FSIP2: variants seen among roughly 807,000 people sequenced by gnomAD.
FSIP2 encodes the protein fibrous sheath interacting protein 2, also known as fibrous sheath-interacting protein 2.
In FSIP2, 367 loss-of-function variants were observed where a neutral mutation model predicts 510.5. The ratio of observed to expected loss-of-function variants is 0.72; its 90% CI spans 0.66 to 0.78. The LOEUF (loss-of-function observed/expected upper bound fraction) is 0.78. Ranked by LOEUF, FSIP2 falls within the 30% of genes least tolerant of loss-of-function variation. FSIP2 has a pLI of 0.00. For synonymous variants in FSIP2, 2,601 were observed against 2,732.2 expected (o/e 0.95, Z 1.50); for missense variants, 7,594 against 7,901.7 (o/e 0.96, Z 1.48).
Position 185,801,348 on chromosome 2 carries a change from A to G in FSIP2, c.12042A>G (p.Val4014=), listed in dbSNP as rs1371809469. The G allele has an allele frequency of 3.9e-6, 6 of 1,534,108 alleles. No homozygotes were observed. Among genetic ancestry groups the G allele is most frequent in the Middle Eastern group, 1.7e-4 (1 of 5,976 alleles). ...TGAATACATTATTTGTCAACAATGT[A>G]GTGAATGAATTTAATAATGCTCAAG... ...NEMNTLFVNN[V]VNEFNNAQVT... The change falls in exon 17 of 23, where the codon GTA becomes GTG. Residue 4014 remains valine, a synonymous_variant. Coordinates refer to ENST00000424728, the MANE Select transcript of FSIP2 (RefSeq NM_173651.4).
chr2:185,814,110 G>A (rs2105667842), intron 18 of FSIP2, 68 bp downstream of exon 18: 1 of 1,432,582 alleles, frequency 7.0e-7, no homozygotes, highest in East Asian at 2.3e-5. Flanking sequence ...GCCCAAGAAT[G>A]TACCTTGATT....
At position 185,797,303 on chromosome 2, in the gene FSIP2, C is replaced by A. The variant is rs554791067; in HGVS notation, c.10167C>A (p.Ile3389=). 19 of 1,531,726 alleles carry A rather than the reference C, an allele frequency of 1.2e-5. No individual in the cohort carries two copies. In the Admixed American group the frequency reaches 1.8e-4, roughly 14 times the overall value. The allele number at this position is 1,531,726 out of a possible 1,614,324, so 94.9% of individuals were successfully genotyped here. The change falls in exon 16 of 23, where the codon ATC becomes ATA. Residue 3389 remains isoleucine, a synonymous_variant. Transcript: ENST00000424728. ...TGCTTAGAATGCAGGATAAAAAAAT[C>A]AACTATATACCTGAGGAAGAAAATG... ...KSLLRMQDKK[I]NYIPEEENEN... is the part of the protein sequence containing the mutation.
Position 185,808,682 on chromosome 2 carries a change from T to C in FSIP2, c.19376T>C (p.Ile6459Thr), listed in dbSNP as rs553051775. 1.2e-6 allele frequency: 2 copies of C among 1,609,758 alleles called. No homozygotes were observed. The highest frequency in any genetic ancestry group is 1.1e-5 in the South Asian group (1 of 90,294). The change falls in exon 17 of 23, where the codon ATT (isoleucine) becomes ACT (threonine). Residue 6459 changes from isoleucine to threonine, a missense_variant. Physicochemically the swap from Ile to Thr is moderately conservative, Grantham distance 89. Coordinates refer to ENST00000424728, the MANE Select transcript of FSIP2 (RefSeq NM_173651.4). ...AFPKKVASLIIDGVSSFPLDT... is the reference protein window; with the variant it reads ...AFPKKVASLITDGVSSFPLDT... ...CCTAAAAAAGTGGCTAGTTTAATTA[T>C]TGATGGAGTTTCAAGTTTTCCATTA...
In FSIP2 at chr2:185,796,833, C is replaced by A. The variant is rs965235202; in HGVS notation, c.9697C>A (p.Pro3233Thr). The A allele has an allele frequency of 6.5e-7, 1 of 1,535,096 alleles. No homozygotes were observed. Among genetic ancestry groups the A allele is most frequent in the African/African-American group, 1.4e-5 (1 of 73,014 alleles). ...GAAAAGGCCTGATTCAGAAACTATG[C>A]CATCGTGTTCTACTAGAAACAAAGT... ...PTKRPDSETM[P>T]SCSTRNKVQD... Residue 3233 changes from proline to threonine, a missense_variant, in exon 16 of 23, where the codon CCA becomes ACA. Coordinates refer to ENST00000424728, the MANE Select transcript of FSIP2 (RefSeq NM_173651.4).
intron 22 of FSIP2, among the ~76,000 whole-genome samples, chr2:185,832,569 T>C (rs190076234): frequency 1.3e-5 from 2 of 151,764 alleles, no homozygotes; most frequent in East Asian, 3.9e-4. Flanking sequence ...TTTCTTTATA[T>C]ATAAAATTAT....
intron 9 of FSIP2, among the ~76,000 whole-genome samples, chr2:185,757,479 G>T (rs1277475843): frequency 6.6e-6 from 1 of 151,332 alleles, no homozygotes; most frequent in Non-Finnish European, 1.5e-5. Flanking sequence ...TCAGTGAAGG[G>T]TATGTGAGTC....
In FSIP2 at chr2:185,800,774, T is replaced by G. The variant is rs201933193; in HGVS notation, c.11468T>G (p.Leu3823Trp). The G allele has an allele frequency of 6.5e-7, 1 of 1,534,212 alleles. No individual in the cohort carries two copies. Among genetic ancestry groups the G allele is most frequent in the Non-Finnish European group, 8.7e-7 (1 of 1,145,584 alleles). Reference protein sequence around the residue: ...CLQVDYMSDLLENVAEIDQDL... With the variant: ...CLQVDYMSDLWENVAEIDQDL... ...CAAGTAGATTACATGTCAGACCTTTTGGAGAATGTGGCAGAAATTGATCAA... is the reference window on the plus strand; with the variant it reads ...CAAGTAGATTACATGTCAGACCTTTGGGAGAATGTGGCAGAAATTGATCAA... The change falls in exon 17 of 23, where the codon TTG (leucine) becomes TGG (tryptophan). Residue 3823 changes from leucine to tryptophan, a missense_variant. Leu to Trp is a moderately conservative substitution (Grantham distance 61, BLOSUM62 -2). Coordinates refer to ENST00000424728, the MANE Select transcript of FSIP2 (RefSeq NM_173651.4).
Position 185,803,778 on chromosome 2 carries a change from T to C in FSIP2, c.14472T>C (p.Asn4824=). The C allele has an allele frequency of 6.5e-7, 1 of 1,527,856 alleles. No homozygotes were observed. The highest frequency in any genetic ancestry group is 8.8e-7 in the Non-Finnish European group (1 of 1,142,092). The allele number at this position is 1,527,856 out of a possible 1,614,324, so 94.6% of individuals were successfully genotyped here. A position where few individuals can be genotyped will look rare whatever the true frequency, so the allele number is the denominator to read the frequency against. Residue 4824 remains asparagine (N), a synonymous_variant, in exon 17 of 23, where the codon AAT becomes AAC. Coordinates refer to ENST00000424728, the MANE Select transcript of FSIP2 (RefSeq NM_173651.4). ...ATACTACTAAATCAGACTTAAGTAA[T>C]ACAGTGATAAAACTGATAAATGAAA... is the stretch of plus-strand genomic sequence containing the variant. ...QSDTTKSDLS[N]TVIKLINEIM...
intron 9 of FSIP2, among the ~76,000 whole-genome samples, chr2:185,758,291 T>C (rs1333159969): frequency 6.6e-6 from 1 of 151,104 alleles, no homozygotes; most frequent in East Asian, 1.9e-4. Context: ...AGAAGTACAG[T>C]TGATGTTTGA....
At position 185,795,034 on chromosome 2, in the gene FSIP2, T is replaced by A. The variant is rs1344555650; in HGVS notation, c.7898T>A (p.Ile2633Asn). 2 of 1,534,534 alleles carry A rather than the reference T, an allele frequency of 1.3e-6. No homozygotes were observed. Among genetic ancestry groups the A allele is most frequent in the East Asian group, 2.4e-5 (1 of 40,850 alleles). Residue 2633 changes from isoleucine to asparagine, a missense_variant, in exon 16 of 23, where the codon ATT becomes AAT. Ile to Asn is a moderately radical substitution (Grantham distance 149). Transcript: ENST00000424728. ...CCATTGCAAGTGAAGAAAGACTTAA[T>A]TCAAATGGTTCTCAATAAGATCACA... ...YLPLQVKKDLIQMVLNKITNF... is the reference protein window; with the variant it reads ...YLPLQVKKDLNQMVLNKITNF...
In FSIP2 at chr2:185,791,255, A is replaced by T; in HGVS notation, c.4119A>T (p.Gln1373His). Residue 1373 changes from glutamine (Q) to histidine (H), a missense_variant, in exon 16 of 23, where the codon CAA (glutamine) becomes CAT (histidine). Transcript: ENST00000424728. ...DMLLSSENAH[Q>H]RSISLSSRKP... ...TGTTATCAAGTGAAAATGCACATCA[A>T]AGAAGCATTTCACTCTCTTCTCGTA... The T allele has an allele frequency of 8.5e-6, 13 of 1,534,046 alleles. No individual in the cohort carries two copies. The highest frequency in any genetic ancestry group is 1.1e-5 in the Non-Finnish European group (13 of 1,145,476).
rs758923269 is a variant in FSIP2 at position 185,792,331 on chromosome 2, A to G, written c.5195A>G (p.Tyr1732Cys). 1.3e-6 allele frequency: 2 copies of G among 1,529,956 alleles called. No individual in the cohort carries two copies. Among genetic ancestry groups the G allele is most frequent in the Non-Finnish European group, 1.7e-6 (2 of 1,144,288 alleles). 94.8% of individuals were successfully genotyped at this position (1,529,956 alleles called of 1,614,324 possible). A position where few individuals can be genotyped will look rare whatever the true frequency, so the allele number is the denominator to read the frequency against. Residue 1732 changes from tyrosine (Y) to cysteine (C), a missense_variant, in exon 16 of 23, where the codon TAT becomes TGT. Coordinates refer to ENST00000424728, the MANE Select transcript of FSIP2 (RefSeq NM_173651.4). ...ESDSFLEDDA[Y>C]TAKKIIDERS... The stretch of plus-strand genomic sequence containing the variant: ...GATTCATTTCTAGAAGATGATGCAT[A>G]TACAGCGAAAAAAATTATTGATGAG...
chr2:185,816,713 G>T (rs898775286), intron 19 of FSIP2, among the ~76,000 whole-genome samples: 1 of 151,626 alleles, frequency 6.6e-6, no homozygotes, highest in African/African-American at 2.4e-5. Context: ...TAAAAAATTA[G>T]CTGGAATGGT....
In FSIP2 at chr2:185,808,100, G is replaced by T. The variant is rs1004367063; in HGVS notation, c.18794G>T (p.Gly6265Val). ...SIYTSVLKHS[G>V]SYTSVFKDLM... ...TATACCAGTGTTTTAAAGCACTCTGGCTCTTATACTTCTGTATTTAAAGAT... is the reference window on the plus strand; with the variant it reads ...TATACCAGTGTTTTAAAGCACTCTGTCTCTTATACTTCTGTATTTAAAGAT... Residue 6265 changes from glycine (G) to valine (V), a missense_variant, in exon 17 of 23, where the codon GGC becomes GTC. Transcript: ENST00000424728. 1 of 1,605,904 alleles carries T rather than the reference G, an allele frequency of 6.2e-7. No homozygotes were observed. Among genetic ancestry groups the T allele is most frequent in the African/African-American group, 1.3e-5 (1 of 74,324 alleles).
In FSIP2 at chr2:185,801,270, T is replaced by C; in HGVS notation, c.11964T>C (p.Ser3988=). The C allele has an allele frequency of 6.5e-7, 1 of 1,533,884 alleles. No homozygotes were observed. Among genetic ancestry groups the C allele is most frequent in the East Asian group, 2.4e-5 (1 of 40,830 alleles). The change falls in exon 17 of 23, where the codon TCT becomes TCC. Residue 3988 remains serine, a synonymous_variant. Coordinates refer to ENST00000424728, the MANE Select transcript of FSIP2 (RefSeq NM_173651.4). ...GIISELFFNL[S]MSLWGKNKNI... ...TTTCAGAATTGTTTTTTAATCTCTC[T>C]ATGTCATTGTGGGGCAAAAATAAAA...
chr2:185,831,898 T>C lies in FSIP2; in HGVS notation c.20587+16T>C, dbSNP rs1694115541. 1.4e-6 allele frequency: 2 copies of C among 1,460,428 alleles called. No individual in the cohort carries two copies. Among genetic ancestry groups the C allele is most frequent in the Non-Finnish European group, 1.9e-6 (2 of 1,041,196 alleles). 90.5% of individuals were successfully genotyped at this position (1,460,428 alleles called of 1,614,324 possible). A position where few individuals can be genotyped will look rare whatever the true frequency, so the allele number is the denominator to read the frequency against. ...GTCATTTCAGGTACAAAATGTACTA[T>C]TTTAACAACTGGTGTAATTAAACTG... On this transcript the variant is annotated intron_variant, in intron 22 of 22. Transcript: ENST00000424728.
rs1693438704 is a variant in FSIP2, at chr2:185,801,684, T to C, written c.12378T>C (p.Ser4126=). ...AAAGTAACCTAACAGAATTTACTTC[T>C]CTACCCAGGTCTTCATCAGACTATA... The part of the protein sequence containing the change: ...KLQSNLTEFT[S]LPRSSSDYST... Residue 4126 remains serine (S), a synonymous_variant, in exon 17 of 23, where the codon TCT becomes TCC. Coordinates refer to ENST00000424728, the MANE Select transcript of FSIP2 (RefSeq NM_173651.4). The C allele has an allele frequency of 2.0e-6, 3 of 1,525,472 alleles. No individual in the cohort carries two copies. In the Admixed American group the frequency reaches 6.1e-5, roughly 31 times the overall value. The allele number at this position is 1,525,472 out of a possible 1,614,324, so 94.5% of individuals were successfully genotyped here.
In FSIP2 at chr2:185,790,725, G is replaced by A. The variant is rs1419648809; in HGVS notation, c.3589G>A (p.Val1197Ile). The part of the protein sequence containing the change: ...NTTKSSISSS[V>I]HQISLHNSDT... ...CACTAAAAGTTCCATTTCATCATCA[G>A]TTCATCAGATTTCCTTACATAATTC... The change falls in exon 16 of 23, where the codon GTT becomes ATT. Residue 1197 changes from valine (V) to isoleucine (I), a missense_variant. By Grantham distance (29) the Val-to-Ile change is conservative. Transcript: ENST00000424728. 1.3e-6 allele frequency: 2 copies of A among 1,533,578 alleles called. No homozygotes were observed. Among genetic ancestry groups the A allele is most frequent in the East Asian group, 2.4e-5 (1 of 40,840 alleles). 95.0% of individuals were successfully genotyped at this position (1,533,578 alleles called of 1,614,324 possible).
rs1426340061 is a variant in FSIP2 at position 185,813,754 on chromosome 2, C to T, written c.20037C>T (p.Gly6679=). 2 of 1,612,566 alleles carry T rather than the reference C, an allele frequency of 1.2e-6. No individual in the cohort carries two copies. The highest frequency in any genetic ancestry group is 1.3e-5 in the African/African-American group (1 of 74,820). ...VLTQTFAKEE[G]IKVFEDQVKE... ...CACAGACTTTTGCAAAAGAAGAAGG[C>T]ATCAAAGTATTTGAAGATCAAGTGA... is the stretch of plus-strand genomic sequence containing the variant. The change falls in exon 18 of 23, where the codon GGC becomes GGT. Residue 6679 remains glycine (G), a synonymous_variant. Transcript: ENST00000424728.
Sources: allele counts gnomAD v4.1 joint callset (sites outside exome capture counted in the v4.1 genomes callset), GRCh38; gene constraint gnomAD v4.1.1; transcripts MANE v1.5; gene names NCBI Gene and HGNC (gene_info 2026-07-23, HGNC 2026-07-21).